PIGS: variants seen among roughly 807,000 people sequenced by gnomAD.
PIGS encodes the protein phosphatidylinositol glycan anchor biosynthesis class S, also known as GPI-anchor transamidase component PIGS.
Under a neutral mutation model 58.2 loss-of-function variants are expected in PIGS, and 37 were observed. The ratio of observed to expected loss-of-function variants is 0.64; its 90% CI spans 0.49 to 0.84. The LOEUF is 0.84. PIGS is among the 40% of genes least tolerant of loss of function. The probability of loss-of-function intolerance (pLI) is 0.00; values close to 1 mark genes in which losing one functional copy is unlikely to be tolerated. For synonymous variants in PIGS, 269 were observed against 289.2 expected, an observed-to-expected ratio of 0.93 and a Z score of 0.71; for missense variants, 629 against 710.8, an observed-to-expected ratio of 0.88 and a Z score of 1.31.
In PIGS at chr17:28,554,075, T is replaced by C. The variant is rs540462627; in HGVS notation, c.*145A>G. On this transcript the variant is annotated 3_prime_UTR_variant, in exon 12 of 12. Coordinates refer to ENST00000308360, the MANE Select transcript of PIGS (RefSeq NM_033198.4). ...GAAAAGATGAACCCATCTTGGAGTG[T>C]TGTACTTTGGTTGCTGGAGAGCCAA... The C allele has an allele frequency of 7.7e-6, 8 of 1,034,566 alleles. No homozygotes were observed. The highest frequency in any genetic ancestry group is 1.1e-5 in the Non-Finnish European group (8 of 707,714). The allele number at this position is 1,034,566 out of a possible 1,614,324, so 64.1% of individuals were successfully genotyped here.
chr17:28,556,496 A>T (rs772503359), intron 9 of PIGS: 1 of 727,048 alleles, frequency 1.4e-6, no homozygotes. Flanking sequence ...CCATTTTAGA[A>T]TTCTCCCCCA....
chr17:28,554,897 A>G lies in PIGS; in HGVS notation c.1346T>C (p.Leu449Pro), dbSNP rs1323065823. 1 of 1,614,054 alleles carries G rather than the reference A, an allele frequency of 6.2e-7. No individual in the cohort carries two copies. Among genetic ancestry groups the G allele is most frequent in the Admixed American group, 1.7e-5 (1 of 60,000 alleles). The change falls in exon 11 of 12, where the codon CTG becomes CCG. Residue 449 changes from leucine to proline, a missense_variant. Physicochemically the swap from Leu to Pro is moderately conservative, Grantham distance 98. Transcript: ENST00000308360. ...TTTLTSLAQL[L>P]GKISNIVIKD... ...AATGACAATGTTGCTGATCTTGCCC[A>G]GAAGCTGCGCCAGGGAGGTAAGGGT...
rs2070423076 is a variant in PIGS at position 28,570,895 on chromosome 17, C to G, written c.243G>C (p.Lys81Asn). 4 of 1,614,118 alleles carry G rather than the reference C, an allele frequency of 2.5e-6. No homozygotes were observed. The highest frequency in any genetic ancestry group is 1.3e-5 in the African/African-American group (1 of 74,940). The change falls in exon 3 of 12, where the codon AAG (lysine) becomes AAC (asparagine). Residue 81 changes from lysine to asparagine, a missense_variant. Transcript: ENST00000308360. ...TTTCATGCACAACGGTGAAGGGCAG[C>G]TTCTCCTGGTCGTCCAGGGGCACTG... The part of the protein sequence containing the change: ...RESVPLDDQE[K>N]LPFTVVHERE...
intron 7 of PIGS, among the ~76,000 whole-genome samples, chr17:28,559,138 C>G (rs1263253874): frequency 6.6e-6 from 1 of 151,906 alleles, no homozygotes; most frequent in Non-Finnish European, 1.5e-5. Context: ...CGCCACCATG[C>G]CCAGCTAATT....
Position 28,571,157 on chromosome 17 carries a change from G to C in PIGS, c.66C>G (p.Phe22Leu), listed in dbSNP as rs1406670436. ...EVARGKRAAL[F>L]FAAVAIVLGL... ...CCAGCACGATGGCCACCGCAGCGAA[G>C]AAGAGGGCGGCGCGCTTGCCCCGGG... Residue 22 changes from phenylalanine (F) to leucine (L), a missense_variant, in exon 2 of 12, where the codon TTC becomes TTG. Physicochemically the swap from Phe to Leu is conservative, Grantham distance 22 (BLOSUM62 0). Transcript: ENST00000308360. The C allele has an allele frequency of 6.2e-7, 1 of 1,613,490 alleles. No individual in the cohort carries two copies. The highest frequency in any genetic ancestry group is 8.5e-7 in the Non-Finnish European group (1 of 1,180,016).
Position 28,558,502 on chromosome 17 carries a change from A to G in PIGS, c.908T>C (p.Val303Ala). 6.2e-7 allele frequency: 1 copy of G among 1,612,966 alleles called. No individual in the cohort carries two copies. ...CAGCCGGGACTCCACTGGGTTGATG[A>G]CATGGGGGAGGCTGTGCATGTCCAA... The part of the protein sequence containing the change: ...YYLDMHSLPH[V>A]INPVESRLGS... The change falls in exon 8 of 12, where the codon GTC becomes GCC. Residue 303 changes from valine to alanine, a missense_variant. Val to Ala is a moderately conservative substitution (Grantham distance 64). Transcript: ENST00000308360.
chr17:28,569,474 CAAAAAAAAAAA>C (rs767305172), intron 3 of PIGS, among the ~76,000 whole-genome samples: 1 of 66,112 alleles, frequency 1.5e-5, no homozygotes, highest in African/African-American at 5.5e-5. Context: ...GACCCTTTCT[CAAAAAAAAAAA>C]AAAAAAAGAA....
rs1210328671 is a variant in PIGS at position 28,560,231 on chromosome 17, G to A, written c.677-40C>T. 2.5e-6 allele frequency: 4 copies of A among 1,591,016 alleles called. No individual in the cohort carries two copies. In the African/African-American group the frequency reaches 4.1e-5, roughly 16 times the overall value. On this transcript the variant is annotated intron_variant, in intron 6 of 11. Coordinates refer to ENST00000308360, the MANE Select transcript of PIGS (RefSeq NM_033198.4). ...GTCAGGGAAGTCAGAGGCTCTTGTG[G>A]ATCAAAGAAGAGGGGCAGCCTGTAC...
chr17:28,559,896 G>A (rs964999134), intron 7 of PIGS, among the ~76,000 whole-genome samples, 153 bp downstream of exon 7: 7 of 151,952 alleles, frequency 4.6e-5, no homozygotes, highest in African/African-American at 1.5e-4. Context: ...GGGCACACAC[G>A]CACCCCCAGT....
At position 28,554,040 on chromosome 17, in the gene PIGS, G is replaced by A; in HGVS notation, c.*180C>T. On this transcript the variant is annotated 3_prime_UTR_variant, in exon 12 of 12. Transcript: ENST00000308360. ...TGGAGGAGGATTGAGCCAGGTGAAT[G>A]GGAAAGGAAGAAAAGATGAACCCAT... The A allele has an allele frequency of 2.6e-6, 2 of 759,118 alleles. No individual in the cohort carries two copies. The highest frequency in any genetic ancestry group is 2.1e-6 in the Non-Finnish European group (1 of 481,622). 47.0% of individuals were successfully genotyped at this position (759,118 alleles called of 1,614,324 possible). A position where few individuals can be genotyped will look rare whatever the true frequency, so the allele number is the denominator to read the frequency against.
chr17:28,570,702 G>GT (rs34374155), intron 3 of PIGS, 150 bp downstream of exon 3: 3 of 739,742 alleles, frequency 4.1e-6, no homozygotes, highest in Admixed American at 2.8e-5. Context: ...TTTGAAAGTA[G>GT]TTTTTTTCTG....
chr17:28,569,139 G>A (rs2151514747), intron 3 of PIGS, among the ~76,000 whole-genome samples: 1 of 150,374 alleles, frequency 6.7e-6, no homozygotes, highest in Non-Finnish European at 1.5e-5. Context: ...AAGTTTGTGT[G>A]TGTACAGAGG....
rs746116948 is a variant in PIGS, at chr17:28,561,642, G to A, written c.469-13C>T. 6.2e-7 allele frequency: 1 copy of A among 1,603,156 alleles called. No homozygotes were observed. The highest frequency in any genetic ancestry group is 1.1e-5 in the South Asian group (1 of 89,526). The stretch of plus-strand genomic sequence containing the variant: ...AGCTCATCATGTCCTGTGGGGGTGA[G>A]CAAGAGACAGAATGCCCATGGCTCA... On this transcript the variant is annotated splice_polypyrimidine_tract_variant and intron_variant, in intron 5 of 11. Coordinates refer to ENST00000308360, the MANE Select transcript of PIGS (RefSeq NM_033198.4).
At chr17:28,560,023 ACTC>A in intron 7 of PIGS, 23 bp downstream of exon 7, 1 of 1,586,096 alleles carries the variant, frequency 6.3e-7, no homozygotes, top group Non-Finnish European at 8.6e-7. Flanking sequence ...ATTGAAAAGG[ACTC>A]CTCAACTTGC....
Position 28,570,980 on chromosome 17 carries a change from C to G in PIGS, c.175-17G>C. The G allele has an allele frequency of 6.2e-7, 1 of 1,614,212 alleles. No homozygotes were observed. Among genetic ancestry groups the G allele is most frequent in the Non-Finnish European group, 8.5e-7 (1 of 1,180,034 alleles). On this transcript the variant is annotated splice_polypyrimidine_tract_variant and intron_variant, in intron 2 of 11. Coordinates refer to ENST00000308360, the MANE Select transcript of PIGS (RefSeq NM_033198.4). Reference sequence around the variant, plus strand: ...GAGGCGGAGCTACAGGAAGGAGCATCAGGGCCGTCACTGAGTCTCCACCTT... The same window carrying G: ...GAGGCGGAGCTACAGGAAGGAGCATGAGGGCCGTCACTGAGTCTCCACCTT...
chr17:28,558,717 C>A, intron 7 of PIGS, 127 bp from the exon 8 acceptor site: 1 of 693,788 alleles, frequency 1.4e-6, no homozygotes, highest in Non-Finnish European at 2.4e-6. Flanking sequence ...AAAATCAGGG[C>A]TGAGAGAAAA....
intron 3 of PIGS, among the ~76,000 whole-genome samples, 195 bp from the exon 4 acceptor site, chr17:28,564,102 C>T (rs1460074829): frequency 1.3e-5 from 2 of 152,178 alleles, no homozygotes. Context: ...GCCCATCTGC[C>T]GCAGCTCTTG....
chr17:28,554,259 C>G lies in PIGS; in HGVS notation c.1629G>C (p.Glu543Asp). ...CAGGCTTTCTCCAGGACTTGCGGGTCTCCAGGAAGATCTTGACCAGGGACA... is the reference window on the plus strand; with the variant it reads ...CAGGCTTTCTCCAGGACTTGCGGGTGTCCAGGAAGATCTTGACCAGGGACA... ...ILLSLVKIFLETRKSWRKPEK... is the reference protein window; with the variant it reads ...ILLSLVKIFLDTRKSWRKPEK... Residue 543 changes from glutamate to aspartate, a missense_variant, in exon 12 of 12, where the codon GAG becomes GAC. By Grantham distance (45) the Glu-to-Asp change is conservative. Transcript: ENST00000308360. 1 of 1,614,158 alleles carries G rather than the reference C, an allele frequency of 6.2e-7. No homozygotes were observed. The highest frequency in any genetic ancestry group is 1.3e-5 in the African/African-American group (1 of 75,024).
At chr17:28,568,441 A>G (rs886393736) in intron 3 of PIGS, among the ~76,000 whole-genome samples, 1 of 151,980 alleles carries the variant, frequency 6.6e-6, no homozygotes, top group Non-Finnish European at 1.5e-5. Context: ...TGTTTTGTTC[A>G]CTGCTATATC....
Sources: allele counts gnomAD v4.1 joint callset (sites outside exome capture counted in the v4.1 genomes callset), GRCh38; gene constraint gnomAD v4.1.1; transcripts MANE v1.5; gene names NCBI Gene and HGNC (gene_info 2026-07-23, HGNC 2026-07-21).